Variants in SIPA1L1 observed in about 807,000 individuals in gnomAD.
The protein encoded by SIPA1L1 is signal induced proliferation associated 1 like 1, also known as signal-induced proliferation-associated 1-like protein 1.
Under a neutral mutation model 162.7 loss-of-function variants are expected in SIPA1L1, and 26 were observed. That is an observed-to-expected ratio of 0.16 (90% CI 0.12 to 0.22). SIPA1L1 has a LOEUF of 0.22. Among genes scored for constraint, SIPA1L1 ranks in the 10% least tolerant of loss-of-function variants. SIPA1L1 has a pLI of 1.00. For synonymous variants in SIPA1L1, 829 were observed against 837.4 expected (o/e 0.99, Z 0.17); for missense variants, 1,874 against 2,241.0 (o/e 0.84, Z 3.31).
chr14:71,407,236 T>G (rs2140193529), intron 2 of SIPA1L1, among the ~76,000 whole-genome samples: 1 of 152,366 alleles, frequency 6.6e-6, no homozygotes, highest in East Asian at 1.9e-4. Context: ...GATTGTGTGT[T>G]AAATGCTTTC....
chr14:71,514,286 G>A (rs1301878837), intron 3 of SIPA1L1, among the ~76,000 whole-genome samples: 1 of 152,168 alleles, frequency 6.6e-6, no homozygotes, highest in East Asian at 1.9e-4. Flanking sequence ...TGGGTTGTCT[G>A]TATGCACAGT....
At chr14:71,660,449 ATC>A (rs2043416932) in intron 9 of SIPA1L1, among the ~76,000 whole-genome samples, 1 of 152,086 alleles carries the variant, frequency 6.6e-6, no homozygotes, top group Non-Finnish European at 1.5e-5. Flanking sequence ...CCAATACTAG[ATC>A]ACTGATTTTA....
chr14:71,654,745 A>G (rs909527326), intron 8 of SIPA1L1, among the ~76,000 whole-genome samples: 1 of 152,212 alleles, frequency 6.6e-6, no homozygotes, highest in Admixed American at 6.5e-5. Flanking sequence ...CTCTATACAA[A>G]TATGAAGTAG....
chr14:71,714,722 T>C (rs756318492), intron 17 of SIPA1L1, among the ~76,000 whole-genome samples: 6 of 152,072 alleles, frequency 3.9e-5, no homozygotes, highest in Non-Finnish European at 5.9e-5. Context: ...TCTGGGACTA[T>C]AGGCATGCAC....
At chr14:71,577,379 A>ATT (rs539375533) in intron 4 of SIPA1L1, among the ~76,000 whole-genome samples, 110 of 139,224 alleles carry the variant, frequency 7.9e-4, no homozygotes, top group African/African-American at 2.6e-3. Flanking sequence ...GTGAGCACTT[A>ATT]TTTTTTTTTT....
intron 2 of SIPA1L1, among the ~76,000 whole-genome samples, chr14:71,440,375 A>G (rs778691846): frequency 1.3e-5 from 2 of 152,216 alleles, no homozygotes; most frequent in African/African-American, 2.4e-5. Context: ...AAATATGTCT[A>G]GGTACAGTGG....
rs946920508 is a variant in SIPA1L1 at position 71,733,265 on chromosome 14, G to A, written c.4862-401G>A. The stretch of plus-strand genomic sequence containing the variant: ...CCTCTAGTAGGAAGAAACATCCCTG[G>A]TCTGGCTCCAAAATCCAGCTCCCTG... On this transcript the variant is annotated intron_variant, in intron 20 of 23. Coordinates refer to ENST00000381232, the MANE Select transcript of SIPA1L1 (RefSeq NM_001386936.1). Among the ~76,000 whole-genome samples the A allele has an allele frequency of 2.6e-5, 4 of 152,242 alleles. No individual in the cohort carries two copies. The East Asian group carries it at 7.7e-4, about 29-fold the overall frequency.
chr14:71,501,706 T>C (rs1474753038), intron 2 of SIPA1L1, among the ~76,000 whole-genome samples: 1 of 152,050 alleles, frequency 6.6e-6, no homozygotes, highest in Non-Finnish European at 1.5e-5. Flanking sequence ...TACGTTTCAG[T>C]TTTTATAAAA....
chr14:71,421,615 AATAAT>A (rs1485034383), intron 2 of SIPA1L1, among the ~76,000 whole-genome samples: 1 of 152,140 alleles, frequency 6.6e-6, no homozygotes, highest in Non-Finnish European at 1.5e-5. Context: ...TATAAAATAA[AATAAT>A]AAAATAGGTA....
At chr14:71,599,479 T>A (rs78316526) in intron 5 of SIPA1L1, among the ~76,000 whole-genome samples, 29 of 140,726 alleles carry the variant, frequency 2.1e-4, no homozygotes, top group African/African-American at 7.0e-4. Flanking sequence ...TTTTTTTTTT[T>A]AATCACCAAA....
At chr14:71,619,672 T>C (rs532910663) in intron 6 of SIPA1L1, among the ~76,000 whole-genome samples, 1 of 152,320 alleles carries the variant, frequency 6.6e-6, no homozygotes, top group South Asian at 2.1e-4. Flanking sequence ...TTTAGGATTT[T>C]TGTTATGCAT....
chr14:71,717,854 A>G (rs1168228937), intron 17 of SIPA1L1, among the ~76,000 whole-genome samples: 1 of 152,210 alleles, frequency 6.6e-6, no homozygotes, highest in Non-Finnish European at 1.5e-5. Flanking sequence ...CCAAAAAAAC[A>G]TGAGAATACT....
At chr14:71,560,177 A>G (rs543312937) in intron 4 of SIPA1L1, among the ~76,000 whole-genome samples, 6 of 152,336 alleles carry the variant, frequency 3.9e-5, no homozygotes, top group African/African-American at 1.4e-4. Flanking sequence ...TGTGAATAAA[A>G]TTCATATTTA....
intron 5 of SIPA1L1, among the ~76,000 whole-genome samples, chr14:71,605,472 C>T (rs920386749): frequency 1.3e-5 from 2 of 152,150 alleles, no homozygotes; most frequent in East Asian, 3.9e-4. Context: ...CCTTACATTA[C>T]TATGTACACA....
At chr14:71,346,337 T>G (rs1195487121) in intron 2 of SIPA1L1, among the ~76,000 whole-genome samples, 1 of 152,176 alleles carries the variant, frequency 6.6e-6, no homozygotes, top group Admixed American at 6.5e-5. Context: ...GATAATTTCA[T>G]TTTTAGAAGG....
At chr14:71,391,684 TG>T (rs2040772774) in intron 2 of SIPA1L1, among the ~76,000 whole-genome samples, 1 of 152,176 alleles carries the variant, frequency 6.6e-6, no homozygotes, top group Admixed American at 6.5e-5. Flanking sequence ...TTAGAGAACA[TG>T]GGGGTTCTTT....
At chr14:71,614,775 A>G (rs774716169) in intron 5 of SIPA1L1, among the ~76,000 whole-genome samples, 19 of 152,238 alleles carry the variant, frequency 1.2e-4, no homozygotes, top group Non-Finnish European at 2.2e-4. Context: ...TTACAAAAAA[A>G]TGTAGTCAGG....
rs549817971 is a variant in SIPA1L1 at position 71,578,892 on chromosome 14, G to A, written c.-302-8679G>A. On this transcript the variant is annotated intron_variant, in intron 4 of 23. Transcript: ENST00000381232. ...TTGGGGTTAACGTATTTTACTAAGC[G>A]TGAAAAATACACCAGAACCACGAGA... 9.2e-5 allele frequency among the ~76,000 whole-genome samples: 14 copies of A among 152,274 alleles called. No homozygotes were observed. The South Asian group carries it at 2.3e-3, about 25-fold the overall frequency.
chr14:71,335,455 C>T (rs933843429), intron 2 of SIPA1L1, among the ~76,000 whole-genome samples: 6 of 152,154 alleles, frequency 3.9e-5, no homozygotes, highest in Non-Finnish European at 1.5e-5. Context: ...CAGTGTGCGC[C>T]CATTGCAGGT....
Sources: allele counts gnomAD v4.1 joint callset (sites outside exome capture counted in the v4.1 genomes callset), GRCh38; gene constraint gnomAD v4.1.1; transcripts MANE v1.5; gene names NCBI Gene and HGNC (gene_info 2026-07-23, HGNC 2026-07-21).